The following ARID3A variants were observed in gnomAD, a reference collection of about 807,000 sequenced individuals.
The protein encoded by ARID3A is AT-rich interactive domain-containing protein 3A.
Under a neutral mutation model 52.7 loss-of-function variants are expected in ARID3A, and 11 were observed. That is an observed-to-expected ratio of 0.21 (90% CI 0.13 to 0.35). The LOEUF (loss-of-function observed/expected upper bound fraction) is 0.35, where lower values mean the gene tolerates loss of function less well. Ranked by LOEUF, ARID3A falls within the 10% of genes least tolerant of loss-of-function variation. The probability of loss-of-function intolerance (pLI) is 1.00; values close to 1 mark genes in which losing one functional copy is unlikely to be tolerated. For missense variants in ARID3A, 721 were observed against 838.5 expected, an observed-to-expected ratio of 0.86 and a Z score of 1.73; for synonymous variants, 404 against 359.4, an observed-to-expected ratio of 1.12 and a Z score of -1.40.
intron 3 of ARID3A, among the ~76,000 whole-genome samples, chr19:949,378 A>T (rs1217935423): frequency 6.6e-6 from 1 of 151,454 alleles, no homozygotes; most frequent in African/African-American, 2.4e-5. Flanking sequence ...AGATAGCAGG[A>T]TCATCAGGCC....
chr19:966,469 AAAAAAAG>A, intron 6 of ARID3A, 96 bp from the exon 7 acceptor site: 14 of 1,088,254 alleles, frequency 1.3e-5, no homozygotes, highest in Non-Finnish European at 1.8e-5. Context: ...AAAAAAAAAA[AAAAAAAG>A]AAAAGAAAAG....
intron 8 of ARID3A, among the ~76,000 whole-genome samples, chr19:970,073 G>A (rs2038245134): frequency 6.6e-6 from 1 of 152,078 alleles, no homozygotes; most frequent in East Asian, 1.9e-4. Context: ...CCAGCAGTTT[G>A]GGAGGCTGAT....
intron 3 of ARID3A, among the ~76,000 whole-genome samples, chr19:955,077 G>A (rs560883152): frequency 1.3e-5 from 2 of 152,270 alleles, no homozygotes; most frequent in South Asian, 4.1e-4. Flanking sequence ...AGAGGGGCAG[G>A]GTTTCGGCCA....
At chr19:930,335 T>C (rs1048208219) in intron 2 of ARID3A, among the ~76,000 whole-genome samples, 3 of 151,656 alleles carry the variant, frequency 2.0e-5, no homozygotes, top group African/African-American at 7.3e-5. Context: ...GTGGATCACC[T>C]GAGGTCAGGA....
At position 944,855 on chromosome 19, in the gene ARID3A, T is replaced by A. The variant is rs773996296; in HGVS notation, c.693+12113T>A. Among the ~76,000 whole-genome samples, 72 of 152,206 alleles carry A rather than the reference T, an allele frequency of 4.7e-4. No homozygotes were observed. Among genetic ancestry groups the A allele is most frequent in the Non-Finnish European group, 8.8e-5 (6 of 68,030 alleles). On this transcript the variant is annotated intron_variant, in intron 3 of 8. Coordinates refer to ENST00000263620, the MANE Select transcript of ARID3A (RefSeq NM_005224.3). This position sits in a 1 kb window ranked among gnomAD's most constrained non-coding sequence, Gnocchi z 5.9. ...TGCCCAGGCTGAACTCCTGAGCTCT[T>A]AGGGGAGCCGGGATGTCCCTGGGTC...
rs2038348480 is a variant in ARID3A, at chr19:974,850, A to G, written c.*2785A>G. 8.5e-6 allele frequency: 1 copy of G among 117,866 alleles called. No individual in the cohort carries two copies. 7.3% of individuals were successfully genotyped at this position (117,866 alleles called of 1,614,324 possible). ...CTTGAGCCTGCTGTTAACTCCGATG[A>G]TTGTAGGGACAGGCGGGGTGGGTGG... On this transcript the variant is annotated 3_prime_UTR_variant, in exon 9 of 9. Coordinates refer to ENST00000263620, the MANE Select transcript of ARID3A (RefSeq NM_005224.3).
In ARID3A at chr19:972,215, G is replaced by T; in HGVS notation, c.*150G>T. 6 of 329,300 alleles carry T rather than the reference G, an allele frequency of 1.8e-5. No homozygotes were observed. Among genetic ancestry groups the T allele is most frequent in the Admixed American group, 6.2e-5 (1 of 16,124 alleles). 20.4% of individuals were successfully genotyped at this position (329,300 alleles called of 1,614,324 possible). ...GCCACAGCTGACGCCAAAAAGAAAA[G>T]AAAAAAGATATATATATATATATAT... On this transcript the variant is annotated 3_prime_UTR_variant, in exon 9 of 9. Transcript: ENST00000263620.
In ARID3A at chr19:929,577, G is replaced by A; in HGVS notation, c.49G>A (p.Ala17Thr). The change falls in exon 2 of 9, where the codon GCG becomes ACG. Residue 17 changes from alanine to threonine, a missense_variant. Physicochemically the swap from Ala to Thr is moderately conservative, Grantham distance 58 (BLOSUM62 0). Around this residue, in one of 5 missense-constraint regions of ARID3A, gnomAD observed 349 missense variants for 297.3 expected, o/e 1.17. Transcript: ENST00000263620. This position sits in a 1 kb window ranked among gnomAD's most constrained non-coding sequence, Gnocchi z 6.2. ...METLLQRQQR[A>T]RQELEARQQL... The stretch of plus-strand genomic sequence containing the variant: ...GACGCTGTTGCAGCGGCAGCAGCGG[G>A]CGCGCCAGGAGCTGGAGGCCCGGCA... The A allele has an allele frequency of 6.6e-7, 1 of 1,523,628 alleles. No homozygotes were observed. Among genetic ancestry groups the A allele is most frequent in the Non-Finnish European group, 8.8e-7 (1 of 1,142,020 alleles). 94.4% of individuals were successfully genotyped at this position (1,523,628 alleles called of 1,614,324 possible).
intron 3 of ARID3A, among the ~76,000 whole-genome samples, chr19:939,800 C>T (rs1306727630): frequency 1.3e-5 from 2 of 152,086 alleles, no homozygotes; most frequent in African/African-American, 4.8e-5. Flanking sequence ...AATACTGTAA[C>T]GAACATCTTC....
At chr19:940,923 GGT>G in intron 3 of ARID3A, among the ~76,000 whole-genome samples, 1 of 152,176 alleles carries the variant, frequency 6.6e-6, no homozygotes, top group East Asian at 1.9e-4. Context: ...GCGAGGGGTG[GGT>G]GGGTGCCCGC....
At position 960,432 on chromosome 19, in the gene ARID3A, G is replaced by C. The variant is rs2038017159; in HGVS notation, c.766+268G>C. Reference sequence around the variant, plus strand: ...AGTCTCAGGGCCCCAACCCAGAACAGACAGTCCAGGTCATCTCCTTAGCAT... The same window carrying C: ...AGTCTCAGGGCCCCAACCCAGAACACACAGTCCAGGTCATCTCCTTAGCAT... On this transcript the variant is annotated intron_variant, in intron 4 of 8. Transcript: ENST00000263620. The surrounding 1 kb of genome is among the most constrained non-coding windows in gnomAD (Gnocchi z 4.3). Among the ~76,000 whole-genome samples the C allele has an allele frequency of 6.6e-6, 1 of 152,064 alleles. No homozygotes were observed. Among genetic ancestry groups the C allele is most frequent in the African/African-American group, 2.4e-5 (1 of 41,366 alleles).
chr19:930,763 C>T (rs190544435), intron 2 of ARID3A, among the ~76,000 whole-genome samples: 4,417 of 151,412 alleles, frequency 0.029, 78 homozygotes, highest in Non-Finnish European at 0.042. Context: ...CCTGCCTTGG[C>T]CTCCCAAAGT....
intron 3 of ARID3A, among the ~76,000 whole-genome samples, chr19:946,601 C>T (rs981196443): frequency 8.6e-5 from 13 of 151,714 alleles, no homozygotes; most frequent in African/African-American, 1.7e-4. Context: ...CCACCATGCC[C>T]GGCTAATTTT....
chr19:967,659 G>T (rs1342158585), intron 7 of ARID3A, among the ~76,000 whole-genome samples: 1 of 152,210 alleles, frequency 6.6e-6, no homozygotes, highest in African/African-American at 2.4e-5. Context: ...CAGCATGAAT[G>T]TGACAGACAC....
At chr19:933,234 TGCAGGAGAC>T (rs961635918) in intron 3 of ARID3A, among the ~76,000 whole-genome samples, 16 of 152,074 alleles carry the variant, frequency 1.1e-4, no homozygotes, top group African/African-American at 3.9e-4. Context: ...CAGGTGTGGC[TGCAGGAGAC>T]GCAGGAGCCA....
rs1568378193 is a variant in ARID3A, at chr19:973,103, A to ACTTTTTTTT, written c.*1038_*1039insCTTTTTTTT. On this transcript the variant is annotated 3_prime_UTR_variant, in exon 9 of 9. Transcript: ENST00000263620. The stretch of plus-strand genomic sequence containing the variant: ...TGGGCTCTCGAGTCAGGGGCCTGGA[A>ACTTTTTTTT]ATTTTTTTTTTTTTTTTTTTTTGAG... The ACTTTTTTTT allele has an allele frequency of 7.1e-5, 1 of 13,990 alleles. No individual in the cohort carries two copies. The highest frequency in any genetic ancestry group is 1.7e-4 in the African/African-American group (1 of 5,850). 0.9% of individuals were successfully genotyped at this position (13,990 alleles called of 1,614,324 possible).
rs536940786 is a variant in ARID3A, at chr19:944,235, C to T, written c.693+11493C>T. 3.9e-5 allele frequency among the ~76,000 whole-genome samples: 6 copies of T among 152,038 alleles called. No individual in the cohort carries two copies. Among genetic ancestry groups the T allele is most frequent in the Non-Finnish European group, 8.8e-5 (6 of 68,044 alleles). The stretch of plus-strand genomic sequence containing the variant: ...GCCGCCGGCACTGGAGTCCTGACGT[C>T]GGCAGCGCGGTGGAGGGCGGGCCTG... On this transcript the variant is annotated intron_variant, in intron 3 of 8. Coordinates refer to ENST00000263620, the MANE Select transcript of ARID3A (RefSeq NM_005224.3). This position sits in a 1 kb window ranked among gnomAD's most constrained non-coding sequence, Gnocchi z 5.9.
Position 966,597 on chromosome 19 carries a change from AGTCCCT to A in ARID3A, c.1226_1231del (p.Val409_Pro410del), listed in dbSNP as rs1488424985. On this transcript the variant is annotated inframe_deletion, in exon 7 of 9. Transcript: ENST00000263620. ...AGGAGGACTCAGCCATCCCCATCAC[AGTCCCT>A]GGCCGCCTGCCTGTGTCCCTGGCGG... The A allele has an allele frequency of 3.2e-6, 5 of 1,571,656 alleles. No homozygotes were observed. Among genetic ancestry groups the A allele is most frequent in the Admixed American group, 3.6e-5 (2 of 55,440 alleles).
rs1313480167 is a variant in ARID3A at position 942,979 on chromosome 19, G to T, written c.693+10237G>T. On this transcript the variant is annotated intron_variant, in intron 3 of 8. Transcript: ENST00000263620. This position sits in a 1 kb window ranked among gnomAD's most constrained non-coding sequence, Gnocchi z 8.1. ...TACGGTGGCCCCAAATCCCATGCCG[G>T]TCGGTTGTCCTCTAAGGGGGAGGTC... Among the ~76,000 whole-genome samples, 1 of 152,186 alleles carries T rather than the reference G, an allele frequency of 6.6e-6. No individual in the cohort carries two copies. Among genetic ancestry groups the T allele is most frequent in the Non-Finnish European group, 1.5e-5 (1 of 68,018 alleles).
Sources: allele counts gnomAD v4.1 joint callset (sites outside exome capture counted in the v4.1 genomes callset), GRCh38; gene constraint gnomAD v4.1.1; regional missense constraint gnomAD v4.1.1; non-coding constraint Gnocchi (gnomAD v3.1); transcripts MANE v1.5; gene names NCBI Gene and HGNC (gene_info 2026-07-23, HGNC 2026-07-21).